DUSP22: variants seen among roughly 807,000 people sequenced by gnomAD.
DUSP22 encodes dual specificity protein phosphatase 22.
A neutral mutation model predicts 24.5 loss-of-function variants in DUSP22; 24 were observed. The observed-to-expected ratio is 0.98, with a 90% confidence interval of 0.71 to 1.38. The LOEUF (loss-of-function observed/expected upper bound fraction) is 1.38, where lower values mean the gene tolerates loss of function less well. Among genes scored for constraint, DUSP22 ranks in the 40% most tolerant of loss-of-function variants. The pLI is 0.00. For synonymous variants in DUSP22, 160 were observed against 106.4 expected (o/e 1.50, Z -3.10); for missense variants, 330 against 269.2 (o/e 1.23, Z -1.58).
In DUSP22 at chr6:310,583, A is replaced by G. The variant is rs540404850; in HGVS notation, c.56-1297A>G. ...TTGTGCTTTAAAGTGAATATAGATG[A>G]TGTAAACCACAGTCCTGTCTGAATC... On this transcript the variant is annotated intron_variant, in intron 2 of 6. Coordinates refer to ENST00000419235, the MANE Select transcript of DUSP22 (RefSeq NM_001286555.3). 9.2e-5 allele frequency among the ~76,000 whole-genome samples: 14 copies of G among 152,420 alleles called. No individual in the cohort carries two copies. The East Asian group carries it at 2.3e-3, about 25-fold the overall frequency.
chr6:348,059 G>T lies in DUSP22; in HGVS notation c.264-44G>T, dbSNP rs1398940574. 6 of 1,609,292 alleles carry T rather than the reference G, an allele frequency of 3.7e-6. No homozygotes were observed. In the East Asian group the frequency reaches 1.1e-4, roughly 30 times the overall value. On this transcript the variant is annotated intron_variant, in intron 5 of 6. Transcript: ENST00000419235. ...ACATGGATTGGGCGATGAACCCGGA[G>T]ATCTGAAACTGCCCTCACACATGTG...
chr6:350,605 T>C lies in DUSP22; in HGVS notation c.*1654T>C. 1.4e-6 allele frequency: 2 copies of C among 1,435,114 alleles called. No individual in the cohort carries two copies. Among genetic ancestry groups the C allele is most frequent in the Non-Finnish European group, 1.8e-6 (2 of 1,097,336 alleles). 88.9% of individuals were successfully genotyped at this position (1,435,114 alleles called of 1,614,324 possible). On this transcript the variant is annotated 3_prime_UTR_variant, in exon 7 of 7. Transcript: ENST00000419235. Reference sequence around the variant, plus strand: ...CCGGATGTACACCCGGAAAGGGGAGTGTGGCTGTAGAATCATCCATCCGTC... The same window carrying C: ...CCGGATGTACACCCGGAAAGGGGAGCGTGGCTGTAGAATCATCCATCCGTC...
Position 333,614 on chromosome 6 carries a change from T to C in DUSP22, c.139-1500T>C, listed in dbSNP as rs561671790. Among the ~76,000 whole-genome samples the C allele has an allele frequency of 7.2e-5, 11 of 152,416 alleles. No homozygotes were observed. The East Asian group carries it at 1.3e-3, about 19-fold the overall frequency. On this transcript the variant is annotated intron_variant, in intron 3 of 6. Transcript: ENST00000419235. Reference sequence around the variant, plus strand: ...GGAAACAGCTTTTACTAAGAGAGACTGAAAGCTCATGGTTCCCTCAGAATA... The same window carrying C: ...GGAAACAGCTTTTACTAAGAGAGACCGAAAGCTCATGGTTCCCTCAGAATA...
intron 1 of DUSP22, among the ~76,000 whole-genome samples, chr6:297,464 C>T (rs1262545459): frequency 1.3e-5 from 2 of 152,306 alleles, no homozygotes; most frequent in Non-Finnish European, 2.9e-5. Context: ...AGAATATGTT[C>T]CCTCTAGGCA....
At position 345,746 on chromosome 6, in the gene DUSP22, CA is replaced by C. The variant is rs200788159; in HGVS notation, c.189-101del. ...TATGTAGAATTATGTGTCAATTATA[CA>C]AAAAAATCAATTAACATTTTAAGAA... is the stretch of plus-strand genomic sequence containing the variant. On this transcript the variant is annotated intron_variant, in intron 4 of 6. Transcript: ENST00000419235. 7.2e-3 allele frequency: 9,843 copies of C among 1,370,838 alleles called. 1 individual carries two copies. The highest frequency in any genetic ancestry group is 0.012 in the Middle Eastern group (61 of 5,094). The allele number at this position is 1,370,838 out of a possible 1,614,324, so 84.9% of individuals were successfully genotyped here. A position where few individuals can be genotyped will look rare whatever the true frequency, so the allele number is the denominator to read the frequency against.
At chr6:301,164 G>T (rs1171625318) in intron 1 of DUSP22, among the ~76,000 whole-genome samples, 3 of 152,280 alleles carry the variant, frequency 2.0e-5, no homozygotes, top group Non-Finnish European at 2.9e-5. Context: ...CTGGGGCCAG[G>T]GTATCCCCAA....
At chr6:323,358 A>C (rs1238004771) in intron 3 of DUSP22, among the ~76,000 whole-genome samples, 1 of 152,292 alleles carries the variant, frequency 6.6e-6, no homozygotes, top group Non-Finnish European at 1.5e-5. Context: ...AAGTTTCAGC[A>C]TTCATCACTG....
chr6:336,854 C>T (rs560927980), intron 4 of DUSP22, among the ~76,000 whole-genome samples: 10 of 152,418 alleles, frequency 6.6e-5, no homozygotes, highest in Admixed American at 2.6e-4. Context: ...ATGGTGCACA[C>T]GGAAGGAAGT....
intron 1 of DUSP22, among the ~76,000 whole-genome samples, chr6:302,753 G>T (rs1757642148): frequency 6.6e-6 from 1 of 152,308 alleles, no homozygotes; most frequent in Non-Finnish European, 1.5e-5. Flanking sequence ...TGTAAAAAGT[G>T]ATCCTGACAC....
intron 3 of DUSP22, among the ~76,000 whole-genome samples, chr6:312,615 A>G (rs1173807214): frequency 1.2e-4 from 19 of 152,296 alleles, no homozygotes; most frequent in Non-Finnish European, 2.4e-4. Context: ...CCTTTTAGAA[A>G]ATAATGCTGT....
intron 3 of DUSP22, among the ~76,000 whole-genome samples, chr6:313,586 G>A (rs527395020): frequency 0.015 from 2,286 of 151,588 alleles, no homozygotes; most frequent in African/African-American, 0.052. Flanking sequence ...TAAAAAAAGA[G>A]AGAGAGAAGT....
chr6:344,523 C>T (rs1429194439), intron 4 of DUSP22, among the ~76,000 whole-genome samples: 1 of 152,294 alleles, frequency 6.6e-6, no homozygotes, highest in Non-Finnish European at 1.5e-5. Flanking sequence ...TTCCTGAGCT[C>T]AAGTGGTCTG....
At position 349,222 on chromosome 6, in the gene DUSP22, C is replaced by T; in HGVS notation, c.*271C>T. 4 of 1,384,994 alleles carry T rather than the reference C, an allele frequency of 2.9e-6. No homozygotes were observed. Among genetic ancestry groups the T allele is most frequent in the Non-Finnish European group, 3.7e-6 (4 of 1,069,094 alleles). 85.8% of individuals were successfully genotyped at this position (1,384,994 alleles called of 1,614,324 possible). On this transcript the variant is annotated 3_prime_UTR_variant, in exon 7 of 7. Coordinates refer to ENST00000419235, the MANE Select transcript of DUSP22 (RefSeq NM_001286555.3). ...CTGTGCACGTGCGTGTGTGTGAGTG[C>T]ACTTGTGTGTGGGTGACTAAGTGGA...
chr6:293,433 A>T (rs1271406651), intron 1 of DUSP22, among the ~76,000 whole-genome samples: 2 of 152,422 alleles, frequency 1.3e-5, no homozygotes, highest in Non-Finnish European at 2.9e-5. Context: ...CGCAACAAAG[A>T]CAAGTACCTT....
chr6:292,795 C>G (rs1239297508), intron 1 of DUSP22, among the ~76,000 whole-genome samples: 4 of 152,268 alleles, frequency 2.6e-5, no homozygotes, highest in Non-Finnish European at 5.9e-5. Context: ...GCCTTGCCAG[C>G]CGGTGCGTTT....
chr6:348,555 C>A, intron 6 of DUSP22: 1 of 918,010 alleles, frequency 1.1e-6, no homozygotes, highest in Non-Finnish European at 1.6e-6. Flanking sequence ...CTTGGTCTGG[C>A]CTATTTTCAT....
At chr6:304,744 C>T (rs1757744712) in intron 2 of DUSP22, 83 bp downstream of exon 2, 1 of 1,580,096 alleles carries the variant, frequency 6.3e-7, no homozygotes. Flanking sequence ...GTGTATAGGT[C>T]AGTGGCTTTA....
rs559759249 is a variant in DUSP22 at position 334,830 on chromosome 6, T to C, written c.139-284T>C. Among the ~76,000 whole-genome samples the C allele has an allele frequency of 1.0e-4, 16 of 152,412 alleles. No individual in the cohort carries two copies. The South Asian group carries it at 3.3e-3, about 32-fold the overall frequency. ...GGTTTTGAAAGTAGTTGAAACTTAC[T>C]GAAAAGTACTCAACTATTTCACTTT... On this transcript the variant is annotated intron_variant, in intron 3 of 6. Coordinates refer to ENST00000419235, the MANE Select transcript of DUSP22 (RefSeq NM_001286555.3).
chr6:313,965 TGA>T (rs1229368310), intron 3 of DUSP22, among the ~76,000 whole-genome samples: 1 of 152,302 alleles, frequency 6.6e-6, no homozygotes, highest in African/African-American at 2.4e-5. Context: ...TCTTCTGTCT[TGA>T]GTTTCAAATC....
Sources: gnomAD v4.1 joint callset for allele counts (sites outside exome capture counted in the v4.1 genomes callset) on GRCh38, gnomAD v4.1.1 for gene constraint, MANE v1.5 for transcripts, NCBI Gene and HGNC (gene_info 2026-07-23, HGNC 2026-07-21) for gene names.